The following LZTS1 variants were observed in gnomAD, a reference collection of about 807,000 sequenced individuals.
LZTS1 encodes leucine zipper putative tumor suppressor 1.
In LZTS1, 31 loss-of-function variants were observed where a neutral mutation model predicts 45.8. That is an observed-to-expected ratio of 0.68 (90% CI 0.51 to 0.91). LZTS1 has a LOEUF of 0.91. LZTS1 is among the 40% of genes least tolerant of loss of function. The pLI is 0.00. For missense variants in LZTS1, 821 were observed against 788.9 expected, an observed-to-expected ratio of 1.04 and a Z score of -0.49; for synonymous variants, 359 against 357.3, an observed-to-expected ratio of 1.00 and a Z score of -0.05.
Position 20,247,707 on chromosome 8 carries a change from G to A in LZTS1, c.*2015C>T, listed in dbSNP as rs1054782019. The stretch of plus-strand genomic sequence containing the variant: ...AGCCAGCCACAGAAAAGGTGACTCT[G>A]GCCTCAGCCCGCACTCAGGGAAGGG... On this transcript the variant is annotated 3_prime_UTR_variant, in exon 4 of 4. Transcript: ENST00000381569. The A allele has an allele frequency of 6.6e-6, 1 of 152,334 alleles. No homozygotes were observed. Among genetic ancestry groups the A allele is most frequent in the African/African-American group, 2.4e-5 (1 of 41,448 alleles). 9.4% of individuals were successfully genotyped at this position (152,334 alleles called of 1,614,324 possible).
intron 1 of LZTS1, among the ~76,000 whole-genome samples, chr8:20,268,417 C>G (rs886198413): frequency 6.6e-6 from 1 of 152,030 alleles, no homozygotes; most frequent in African/African-American, 2.4e-5. Flanking sequence ...CCCCCTCCCC[C>G]CATACATACT....
chr8:20,292,350 G>A (rs28590363), intron 1 of LZTS1, among the ~76,000 whole-genome samples: 87,411 of 152,086 alleles, frequency 0.57, 26,221 homozygotes, highest in Non-Finnish European at 0.67. Context: ...CGCTCTATGG[G>A]TAGCTAGCCC....
intron 3 of LZTS1, among the ~76,000 whole-genome samples, 163 bp downstream of exon 3, chr8:20,252,619 A>G (rs1160798709): frequency 6.6e-6 from 1 of 152,172 alleles, no homozygotes; most frequent in African/African-American, 2.4e-5. Context: ...ATCCCCCAAC[A>G]TGGTTTGCAG....
intron 1 of LZTS1, among the ~76,000 whole-genome samples, chr8:20,259,367 G>T (rs184789868): frequency 2.2e-4 from 34 of 152,290 alleles, no homozygotes; most frequent in African/African-American, 7.9e-4. Context: ...CACCGCTGGA[G>T]GCTATTGACA....
chr8:20,280,013 T>C (rs1028019921), intron 1 of LZTS1, among the ~76,000 whole-genome samples: 2 of 151,964 alleles, frequency 1.3e-5, no homozygotes, highest in Admixed American at 6.6e-5. Context: ...GTGAATTTTC[T>C]TTTCCTGATT....
intron 1 of LZTS1, among the ~76,000 whole-genome samples, chr8:20,257,220 C>A (rs975773393): frequency 6.6e-6 from 1 of 152,060 alleles, no homozygotes; most frequent in African/African-American, 2.4e-5. Context: ...GCAAATTGGG[C>A]ATGGTGGCAC....
rs571199124 is a variant in LZTS1 at position 20,277,151 on chromosome 8, T to C, written c.-134-21836A>G. On this transcript the variant is annotated intron_variant, in intron 1 of 3. Transcript: ENST00000381569. ...AGGCCAAAACCTACCAAAACCAAGA[T>C]GGTGATGAGAGTGACCTCTGGTCGT... Among the ~76,000 whole-genome samples, 28 of 152,280 alleles carry C rather than the reference T, an allele frequency of 1.8e-4. 1 individual carries two copies. The highest frequency in any genetic ancestry group is 9.8e-4 in the Admixed American group (15 of 15,302).
intron 3 of LZTS1, 57 bp downstream of exon 3, chr8:20,252,725 G>A (rs895050928): frequency 7.0e-7 from 1 of 1,429,382 alleles, no homozygotes; most frequent in Non-Finnish European, 9.3e-7. Flanking sequence ...GAAGGAGAGG[G>A]GGGTACTGGC....
chr8:20,297,295 A>C (rs2128899739), intron 1 of LZTS1, among the ~76,000 whole-genome samples: 1 of 152,312 alleles, frequency 6.6e-6, no homozygotes, highest in South Asian at 2.1e-4. Context: ...AGTGGACTAA[A>C]CCTTTTGAAT....
At chr8:20,252,402 T>C (rs1799950041) in intron 3 of LZTS1, among the ~76,000 whole-genome samples, 1 of 152,192 alleles carries the variant, frequency 6.6e-6, no homozygotes, top group African/African-American at 2.4e-5. Flanking sequence ...TGTGCTCTCT[T>C]GGGCCCCTGG....
intron 1 of LZTS1, among the ~76,000 whole-genome samples, chr8:20,297,295 AC>A (rs1800992958): frequency 6.6e-6 from 1 of 152,194 alleles, no homozygotes; most frequent in South Asian, 2.1e-4. Context: ...AGTGGACTAA[AC>A]CTTTTGAATT....
In LZTS1 at chr8:20,248,591, G is replaced by A. The variant is rs1367864670; in HGVS notation, c.*1131C>T. On this transcript the variant is annotated 3_prime_UTR_variant, in exon 4 of 4. Transcript: ENST00000381569. ...GTCCTGCTTGGGGCTCTGGCTTCCTGGCGCTCTGAGGAGCCGTCCTGACCT... is the reference window on the plus strand; with the variant it reads ...GTCCTGCTTGGGGCTCTGGCTTCCTAGCGCTCTGAGGAGCCGTCCTGACCT... 1.3e-5 allele frequency: 2 copies of A among 152,238 alleles called. No homozygotes were observed. The highest frequency in any genetic ancestry group is 2.9e-5 in the Non-Finnish European group (2 of 68,168). The allele number at this position is 152,238 out of a possible 1,614,324, so 9.4% of individuals were successfully genotyped here.
chr8:20,253,508 G>A lies in LZTS1; in HGVS notation c.423C>T (p.Ser141=). The change falls in exon 3 of 4, where the codon TCC becomes TCT. Residue 141 remains serine (S), a synonymous_variant. Coordinates refer to ENST00000381569, the MANE Select transcript of LZTS1 (RefSeq NM_021020.5). Reference sequence around the variant, plus strand: ...GCAGCTGGTGGCTGGCACTCTCCGGGGAGGAGTGCAGGATGGCTCCTGACC... The same window carrying A: ...GCAGCTGGTGGCTGGCACTCTCCGGAGAGGAGTGCAGGATGGCTCCTGACC... ...LPRSGAILHS[S]PESASHQLHP... is the part of the protein sequence containing the mutation. 6.4e-7 allele frequency: 1 copy of A among 1,573,738 alleles called. No homozygotes were observed. Among genetic ancestry groups the A allele is most frequent in the Non-Finnish European group, 8.6e-7 (1 of 1,162,324 alleles).
chr8:20,254,864 G>C lies in LZTS1; in HGVS notation c.318C>G (p.Leu106=). Residue 106 remains leucine (L), a synonymous_variant, in exon 2 of 4, where the codon CTC becomes CTG. Transcript: ENST00000381569. ...VDFDPSTPPK[L]MPFSNQLEMG... The stretch of plus-strand genomic sequence containing the variant: ...TTTCTAGCTGATTGGAGAAGGGCAT[G>C]AGCTTGGGGGGTGTGGACGGGTCAA... 6.2e-7 allele frequency: 1 copy of C among 1,612,168 alleles called. No individual in the cohort carries two copies. The highest frequency in any genetic ancestry group is 8.5e-7 in the Non-Finnish European group (1 of 1,178,604).
At chr8:20,282,113 C>G (rs1162950133) in intron 1 of LZTS1, among the ~76,000 whole-genome samples, 1 of 152,178 alleles carries the variant, frequency 6.6e-6, no homozygotes, top group Non-Finnish European at 1.5e-5. Flanking sequence ...TGAAGAGGGC[C>G]TTTTCTAGTC....
At chr8:20,253,771 A>G (rs994367029) in intron 2 of LZTS1, among the ~76,000 whole-genome samples, 186 bp from the exon 3 acceptor site, 2 of 152,318 alleles carry the variant, frequency 1.3e-5, no homozygotes, top group East Asian at 1.9e-4. Flanking sequence ...CATCTCTCTT[A>G]GGAAGGAAAA....
At chr8:20,250,837 GCT>G (rs1563850228) in intron 3 of LZTS1, among the ~76,000 whole-genome samples, 1 of 151,850 alleles carries the variant, frequency 6.6e-6, no homozygotes, top group African/African-American at 2.4e-5. Flanking sequence ...GACCTCAAGT[GCT>G]CTGCCTGCCT....
At chr8:20,272,259 C>T (rs535989897) in intron 1 of LZTS1, among the ~76,000 whole-genome samples, 3 of 152,300 alleles carry the variant, frequency 2.0e-5, no homozygotes, top group African/African-American at 7.2e-5. Context: ...GACTGATCCA[C>T]GATGTGCAGC....
At chr8:20,268,613 T>G (rs1800411106) in intron 1 of LZTS1, among the ~76,000 whole-genome samples, 2 of 152,170 alleles carry the variant, frequency 1.3e-5, no homozygotes, top group Admixed American at 6.5e-5. Flanking sequence ...CGTGCTCAGT[T>G]TGCAGACGCC....
Sources: allele counts gnomAD v4.1 joint callset (sites outside exome capture counted in the v4.1 genomes callset), GRCh38; gene constraint gnomAD v4.1.1; transcripts MANE v1.5; gene names NCBI Gene and HGNC (gene_info 2026-07-23, HGNC 2026-07-21).